PTAR1: variants seen among roughly 807,000 people sequenced by gnomAD.
PTAR1 encodes the protein protein prenyltransferase alpha subunit repeat containing 1.
In PTAR1, 17 loss-of-function variants were observed where a neutral mutation model predicts 45.5. The ratio of observed to expected loss-of-function variants is 0.37; its 90% CI spans 0.26 to 0.56. PTAR1 has a LOEUF of 0.56. Ranked by LOEUF, PTAR1 falls within the 20% of genes least tolerant of loss-of-function variation. The pLI, the probability that PTAR1 is intolerant of heterozygous loss-of-function variation, is 0.77. For missense variants in PTAR1, 391 were observed against 476.3 expected (o/e 0.82, Z 1.67); for synonymous variants, 169 against 171.3 (o/e 0.99, Z 0.11).
At chr9:69,734,355 A>T in intron 3 of PTAR1, 101 bp from the exon 4 acceptor site, 1 of 517,480 alleles carries the variant, frequency 1.9e-6, no homozygotes, top group Admixed American at 3.8e-5. Flanking sequence ...TGTGAAGCGA[A>T]TGTCTAAGAA....
In PTAR1 at chr9:69,710,689, A is replaced by G. The variant is rs1291219570; in HGVS notation, c.*7653T>C. The G allele has an allele frequency of 6.6e-6, 1 of 152,214 alleles. No homozygotes were observed. Among genetic ancestry groups the G allele is most frequent in the Non-Finnish European group, 1.5e-5 (1 of 68,030 alleles). The allele number at this position is 152,214 out of a possible 1,614,324, so 9.4% of individuals were successfully genotyped here. A position where few individuals can be genotyped will look rare whatever the true frequency, so the allele number is the denominator to read the frequency against. On this transcript the variant is annotated 3_prime_UTR_variant, in exon 8 of 8. Transcript: ENST00000340434. ...ATATGGAGAGAGCTAAAGGACTTCA[A>G]TGTAGACTGTTACATTGGGGAAAAA...
chr9:69,711,687 T>A lies in PTAR1; in HGVS notation c.*6655A>T, dbSNP rs1205177942. Reference sequence around the variant, plus strand: ...CCAGCTGCTTATTAAGACATTTAATTACATTTATTAATATGCCTTGCACAA... The same window carrying A: ...CCAGCTGCTTATTAAGACATTTAATAACATTTATTAATATGCCTTGCACAA... On this transcript the variant is annotated 3_prime_UTR_variant, in exon 8 of 8. Coordinates refer to ENST00000340434, the MANE Select transcript of PTAR1 (RefSeq NM_001099666.2). 6.6e-6 allele frequency: 1 copy of A among 152,216 alleles called. No homozygotes were observed. The highest frequency in any genetic ancestry group is 2.4e-5 in the African/African-American group (1 of 41,460). 9.4% of individuals were successfully genotyped at this position (152,216 alleles called of 1,614,324 possible). A position where few individuals can be genotyped will look rare whatever the true frequency, so the allele number is the denominator to read the frequency against.
In PTAR1 at chr9:69,735,350, A is replaced by T. The variant is rs374621948; in HGVS notation, c.324-1096T>A. Among the ~76,000 whole-genome samples, 9 of 152,296 alleles carry T rather than the reference A, an allele frequency of 5.9e-5. No individual in the cohort carries two copies. In the South Asian group the frequency reaches 1.7e-3, roughly 28 times the overall value. ...ACACACATCCTCCCATATACTTCAT[A>T]TCATCTCTAGATTACTTATAATACC... On this transcript the variant is annotated intron_variant, in intron 3 of 7. Coordinates refer to ENST00000340434, the MANE Select transcript of PTAR1 (RefSeq NM_001099666.2).
intron 5 of PTAR1, among the ~76,000 whole-genome samples, chr9:69,727,213 T>C (rs909884700): frequency 8.5e-5 from 13 of 152,168 alleles, no homozygotes; most frequent in South Asian, 8.3e-4. Flanking sequence ...TAGAAATCTT[T>C]GGGTATACAT....
At position 69,713,874 on chromosome 9, in the gene PTAR1, T is replaced by C. The variant is rs1824620292; in HGVS notation, c.*4468A>G. On this transcript the variant is annotated 3_prime_UTR_variant, in exon 8 of 8. Transcript: ENST00000340434. ...ATCAGTCTCTCACTGAAGGATAAAA[T>C]ACCCTACGGGGCCATGCCTAGCGAT... The C allele has an allele frequency of 6.6e-6, 1 of 152,052 alleles. No individual in the cohort carries two copies. Among genetic ancestry groups the C allele is most frequent in the Non-Finnish European group, 1.5e-5 (1 of 67,974 alleles). The allele number at this position is 152,052 out of a possible 1,614,324, so 9.4% of individuals were successfully genotyped here.
At chr9:69,719,984 C>T (rs1216484992) in intron 6 of PTAR1, among the ~76,000 whole-genome samples, 1 of 152,152 alleles carries the variant, frequency 6.6e-6, no homozygotes, top group African/African-American at 2.4e-5. Flanking sequence ...CTCTCTCCCT[C>T]ACCCCAGGCC....
chr9:69,759,854 T>G lies in PTAR1; in HGVS notation c.85A>C (p.Ile29Leu). The change falls in exon 1 of 8, where the codon ATA becomes CTA. Residue 29 changes from isoleucine (I) to leucine (L), a missense_variant and splice_region_variant. Transcript: ENST00000340434. ...ITNAFRRNPH[I>L]DEIGLIPCPE... ...AGGCGGCGGAGGCGCGCGACTCACA[T>G]GTGTGGGTTCCTCCTGAAGGCGTTA... The G allele has an allele frequency of 1.3e-6, 2 of 1,523,432 alleles. No homozygotes were observed. Among genetic ancestry groups the G allele is most frequent in the South Asian group, 2.4e-5 (2 of 82,146 alleles). 94.4% of individuals were successfully genotyped at this position (1,523,432 alleles called of 1,614,324 possible).
intron 3 of PTAR1, among the ~76,000 whole-genome samples, chr9:69,735,935 A>ATT (rs1237221444): frequency 3.4e-5 from 5 of 147,848 alleles, no homozygotes; most frequent in Non-Finnish European, 3.0e-5. Flanking sequence ...CCAATTTGTC[A>ATT]TTATATATAT....
In PTAR1 at chr9:69,718,239, T is replaced by C; in HGVS notation, c.*103A>G. 1.3e-6 allele frequency: 1 copy of C among 747,096 alleles called. No individual in the cohort carries two copies. The highest frequency in any genetic ancestry group is 2.1e-6 in the Non-Finnish European group (1 of 474,918). 46.3% of individuals were successfully genotyped at this position (747,096 alleles called of 1,614,324 possible). A position where few individuals can be genotyped will look rare whatever the true frequency, so the allele number is the denominator to read the frequency against. The stretch of plus-strand genomic sequence containing the variant: ...ACTTTCAACCTAAAGACGAAGAACA[T>C]ATGGTTAGCCAATAATAGTAAACAG... On this transcript the variant is annotated 3_prime_UTR_variant, in exon 8 of 8. Transcript: ENST00000340434.
At position 69,713,520 on chromosome 9, in the gene PTAR1, C is replaced by T. The variant is rs1824605026; in HGVS notation, c.*4822G>A. On this transcript the variant is annotated 3_prime_UTR_variant, in exon 8 of 8. Coordinates refer to ENST00000340434, the MANE Select transcript of PTAR1 (RefSeq NM_001099666.2). ...ATTTAAAATTTCATCTACGCATTTA[C>T]TTCTTTTCCTCCAATACCTGAGAGA... The T allele has an allele frequency of 1.3e-5, 2 of 152,120 alleles. No individual in the cohort carries two copies. Among genetic ancestry groups the T allele is most frequent in the South Asian group, 4.1e-4 (2 of 4,838 alleles). The allele number at this position is 152,120 out of a possible 1,614,324, so 9.4% of individuals were successfully genotyped here. A position where few individuals can be genotyped will look rare whatever the true frequency, so the allele number is the denominator to read the frequency against.
In PTAR1 at chr9:69,721,300, C is replaced by T. The variant is rs960207620; in HGVS notation, c.947+2026G>A. Among the ~76,000 whole-genome samples, 2 of 152,086 alleles carry T rather than the reference C, an allele frequency of 1.3e-5. 1 individual carries two copies. The highest frequency in any genetic ancestry group is 2.9e-5 in the Non-Finnish European group (2 of 68,022). Reference sequence around the variant, plus strand: ...GGCAAATGTGGTGGAAATTGCAAGACAACTAGAATTGGAAGTGGGGCGTGA... The same window carrying T: ...GGCAAATGTGGTGGAAATTGCAAGATAACTAGAATTGGAAGTGGGGCGTGA... On this transcript the variant is annotated intron_variant, in intron 6 of 7. Coordinates refer to ENST00000340434, the MANE Select transcript of PTAR1 (RefSeq NM_001099666.2).
intron 5 of PTAR1, among the ~76,000 whole-genome samples, chr9:69,724,445 C>G (rs982354215): frequency 6.6e-6 from 1 of 152,134 alleles, no homozygotes; most frequent in African/African-American, 2.4e-5. Flanking sequence ...TATCAAGTGC[C>G]TACCACGTTC....
At chr9:69,741,931 G>A in intron 2 of PTAR1, 73 bp from the exon 3 acceptor site, 1 of 917,244 alleles carries the variant, frequency 1.1e-6, no homozygotes, top group South Asian at 1.4e-5. Context: ...TTCTTTTAAG[G>A]TTCTCTTTCT....
chr9:69,737,947 T>C (rs1364682253), intron 3 of PTAR1, among the ~76,000 whole-genome samples: 1 of 152,178 alleles, frequency 6.6e-6, no homozygotes, highest in East Asian at 1.9e-4. Flanking sequence ...CATGGTACCT[T>C]TGTCAAAATT....
At chr9:69,745,148 G>T (rs1259580619) in intron 2 of PTAR1, among the ~76,000 whole-genome samples, 1 of 152,158 alleles carries the variant, frequency 6.6e-6, no homozygotes, top group Non-Finnish European at 1.5e-5. Context: ...GACTGACAAA[G>T]AAATGAGTAT....
rs189463909 is a variant in PTAR1, at chr9:69,714,155, G to A, written c.*4187C>T. On this transcript the variant is annotated 3_prime_UTR_variant, in exon 8 of 8. Coordinates refer to ENST00000340434, the MANE Select transcript of PTAR1 (RefSeq NM_001099666.2). The stretch of plus-strand genomic sequence containing the variant: ...CTTATTACAGAGCATACCTAGGTAT[G>A]GGGAGGCAGCAACACATAAAGTGCT... 6.6e-6 allele frequency: 1 copy of A among 152,128 alleles called. No homozygotes were observed. Among genetic ancestry groups the A allele is most frequent in the Non-Finnish European group, 1.5e-5 (1 of 67,974 alleles). 9.4% of individuals were successfully genotyped at this position (152,128 alleles called of 1,614,324 possible).
At chr9:69,752,640 A>C (rs1046316002) in intron 1 of PTAR1, among the ~76,000 whole-genome samples, 2 of 152,080 alleles carry the variant, frequency 1.3e-5, no homozygotes, top group African/African-American at 4.8e-5. Flanking sequence ...AAAAGAATAA[A>C]GCAAAGTGGT....
chr9:69,715,162 T>C lies in PTAR1; in HGVS notation c.*3180A>G, dbSNP rs975953165. 3.9e-5 allele frequency: 6 copies of C among 152,096 alleles called. No homozygotes were observed. The highest frequency in any genetic ancestry group is 7.4e-5 in the Non-Finnish European group (5 of 68,010). 9.4% of individuals were successfully genotyped at this position (152,096 alleles called of 1,614,324 possible). On this transcript the variant is annotated 3_prime_UTR_variant, in exon 8 of 8. Transcript: ENST00000340434. Reference sequence around the variant, plus strand: ...ATTGACAATTACAGAGCTGCATTTCTTGGCTGGGATTTAACAAGTTTAAAC... The same window carrying C: ...ATTGACAATTACAGAGCTGCATTTCCTGGCTGGGATTTAACAAGTTTAAAC...
intron 2 of PTAR1, among the ~76,000 whole-genome samples, chr9:69,744,312 C>T (rs1240020590): frequency 6.6e-6 from 1 of 151,856 alleles, no homozygotes; most frequent in Non-Finnish European, 1.5e-5. Flanking sequence ...CTTCCCGTCT[C>T]CTAATATTTA....
Sources: gnomAD v4.1 joint callset for allele counts (sites outside exome capture counted in the v4.1 genomes callset) on GRCh38, gnomAD v4.1.1 for gene constraint, MANE v1.5 for transcripts, NCBI Gene and HGNC (gene_info 2026-07-23, HGNC 2026-07-21) for gene names.